The following FOXP1 variants were observed in gnomAD, a reference collection of about 807,000 sequenced individuals.
FOXP1 encodes the protein forkhead box P1, also known as forkhead box protein P1.
A neutral mutation model predicts 98.2 loss-of-function variants in FOXP1; 15 were observed. The ratio of observed to expected loss-of-function variants is 0.15; its 90% confidence interval spans 0.10 to 0.24. FOXP1 has a LOEUF of 0.24. Ranked by LOEUF, FOXP1 falls within the 10% of genes least tolerant of loss-of-function variation. FOXP1 has a pLI of 1.00. For synonymous variants in FOXP1, 371 were observed against 314.5 expected (o/e 1.18, Z -1.90); for missense variants, 633 against 848.5 (o/e 0.75, Z 3.15).
At chr3:71,356,331 T>C (rs1048288532) in intron 4 of FOXP1, among the ~76,000 whole-genome samples, 7 of 151,334 alleles carry the variant, frequency 4.6e-5, no homozygotes, top group Admixed American at 1.3e-4. Context: ...GCTGTATACA[T>C]AGCTGCACGT....
chr3:70,977,703 T>C lies in FOXP1; in HGVS notation c.1368A>G (p.Gln456=), dbSNP rs373970998. Residue 456 remains glutamine, a synonymous_variant, in exon 16 of 21, where the codon CAA becomes CAG. Transcript: ENST00000649528. ...PISSADIAQN[Q]EFYKNAEVRP... Reference sequence around the variant, plus strand: ...TAACTTCTGCGTTCTTATAAAATTCTTGGTTCTGCGCAATATCTGCTGAAT... The same window carrying C: ...TAACTTCTGCGTTCTTATAAAATTCCTGGTTCTGCGCAATATCTGCTGAAT... 2 of 1,614,110 alleles carry C rather than the reference T, an allele frequency of 1.2e-6. No homozygotes were observed. The highest frequency in any genetic ancestry group is 1.3e-5 in the African/African-American group (1 of 74,944).
intron 4 of FOXP1, among the ~76,000 whole-genome samples, chr3:71,327,250 G>A (rs2075744527): frequency 1.3e-5 from 1 of 75,382 alleles, no homozygotes; most frequent in Admixed American, 1.5e-4. Flanking sequence ...ATGGCTGGGA[G>A]GGAGGAGGTG....
chr3:71,258,732 CT>C lies in FOXP1; in HGVS notation c.-12+41087del, dbSNP rs1212504908. On this transcript the variant is annotated intron_variant, in intron 5 of 20. Coordinates refer to ENST00000649528, the MANE Select transcript of FOXP1 (RefSeq NM_001349338.3). ...GGAGAAGAGAGAGCTTTGCTTAAGG[CT>C]TTAAGTGTGGGAACCTATCTTTTTG... Among the ~76,000 whole-genome samples the C allele has an allele frequency of 2.0e-5, 3 of 152,152 alleles. No individual in the cohort carries two copies. The East Asian group carries it at 5.8e-4, about 29-fold the overall frequency.
At chr3:71,006,223 A>G (rs1424868438) in intron 12 of FOXP1, among the ~76,000 whole-genome samples, 1 of 152,138 alleles carries the variant, frequency 6.6e-6, no homozygotes, top group African/African-American at 2.4e-5. Context: ...AGAAGCTTTG[A>G]AAATGACAAC....
At chr3:71,219,355 G>A (rs967150050) in intron 5 of FOXP1, among the ~76,000 whole-genome samples, 1 of 152,130 alleles carries the variant, frequency 6.6e-6, no homozygotes, top group Non-Finnish European at 1.5e-5. Flanking sequence ...GGCCACATGT[G>A]GCTACTGAGC....
intron 3 of FOXP1, among the ~76,000 whole-genome samples, chr3:71,440,108 T>G (rs549451083): frequency 2.0e-5 from 3 of 152,032 alleles, no homozygotes; most frequent in Admixed American, 1.3e-4. Context: ...ATAGACAAAG[T>G]AGAATGCTGG....
intron 20 of FOXP1, among the ~76,000 whole-genome samples, chr3:70,964,938 C>T (rs1254635681): frequency 5.3e-5 from 8 of 152,086 alleles, no homozygotes; most frequent in Non-Finnish European, 8.8e-5. Context: ...ATTTCCATTC[C>T]GATCACTTAA....
At chr3:71,520,351 C>G (rs2042888826) in intron 2 of FOXP1, among the ~76,000 whole-genome samples, 1 of 152,210 alleles carries the variant, frequency 6.6e-6, no homozygotes, top group South Asian at 2.1e-4. Flanking sequence ...GAATGACTTC[C>G]CAGCATGAAA....
chr3:71,470,682 G>A (rs557479676), intron 3 of FOXP1, among the ~76,000 whole-genome samples: 125 of 152,300 alleles, frequency 8.2e-4, no homozygotes, highest in African/African-American at 2.9e-3. Flanking sequence ...AGGTTGCAAT[G>A]AGCAGATATC....
intron 3 of FOXP1, among the ~76,000 whole-genome samples, chr3:71,412,896 A>G (rs1389011151): frequency 1.3e-5 from 2 of 152,204 alleles, no homozygotes; most frequent in African/African-American, 2.4e-5. Flanking sequence ...TTTCCTGCTT[A>G]ATATAGGCTA....
At chr3:71,378,024 A>T (rs1323272785) in intron 3 of FOXP1, among the ~76,000 whole-genome samples, 1 of 151,748 alleles carries the variant, frequency 6.6e-6, no homozygotes, top group African/African-American at 2.4e-5. Context: ...TTTAAACAGA[A>T]TTTTGTCAAG....
chr3:71,544,149 A>G (rs989191315), intron 2 of FOXP1, among the ~76,000 whole-genome samples: 6 of 151,928 alleles, frequency 3.9e-5, no homozygotes, highest in Admixed American at 3.3e-4. Flanking sequence ...ACAAGTGACC[A>G]ATGCCGTAGC....
intron 3 of FOXP1, among the ~76,000 whole-genome samples, chr3:71,463,523 C>A (rs73093407): frequency 0.069 from 10,491 of 152,170 alleles, 506 homozygotes; most frequent in Non-Finnish European, 0.096. Context: ...AACAGGCTCT[C>A]CCAATTGCCT....
At chr3:71,351,895 A>T (rs2077805780) in intron 4 of FOXP1, among the ~76,000 whole-genome samples, 1 of 152,258 alleles carries the variant, frequency 6.6e-6, no homozygotes, top group Non-Finnish European at 1.5e-5. Flanking sequence ...TAACAGGCAC[A>T]TCCAACTGGA....
At chr3:71,533,610 T>C (rs943357305) in intron 2 of FOXP1, among the ~76,000 whole-genome samples, 4 of 152,166 alleles carry the variant, frequency 2.6e-5, no homozygotes, top group African/African-American at 7.2e-5. Context: ...CCCAACCCCA[T>C]TATTGTTCTG....
intron 1 of FOXP1, chr3:71,582,471 G>A (rs988975170): frequency 1.0e-6 from 1 of 985,410 alleles, no homozygotes; most frequent in South Asian, 4.7e-5. Flanking sequence ...AGAGCGCAGG[G>A]AGCTCGGGAG....
intron 12 of FOXP1, among the ~76,000 whole-genome samples, chr3:71,011,711 A>T (rs1301925103): frequency 1.3e-5 from 2 of 152,208 alleles, no homozygotes; most frequent in Admixed American, 1.3e-4. Context: ...GTACCAGGAA[A>T]TAACCAAGCA....
At chr3:71,380,031 T>A (rs900906963) in intron 3 of FOXP1, among the ~76,000 whole-genome samples, 1 of 152,108 alleles carries the variant, frequency 6.6e-6, no homozygotes, top group African/African-American at 2.4e-5. Context: ...GGTATTTAGA[T>A]CAACATCGTG....
chr3:71,162,004 A>G (rs903798122), intron 6 of FOXP1, among the ~76,000 whole-genome samples: 4 of 152,222 alleles, frequency 2.6e-5, no homozygotes, highest in Non-Finnish European at 5.9e-5. Context: ...CTTAGTATAG[A>G]TAAGTTTCAG....
Sources: gnomAD v4.1 joint callset for allele counts (sites outside exome capture counted in the v4.1 genomes callset) on GRCh38, gnomAD v4.1.1 for gene constraint, MANE v1.5 for transcripts, NCBI Gene and HGNC (gene_info 2026-07-23, HGNC 2026-07-21) for gene names.